ANKRD36C: variants seen among roughly 807,000 people sequenced by gnomAD.
The protein encoded by ANKRD36C is ankyrin repeat domain 36C, also known as ankyrin repeat domain-containing protein 36C.
ANKRD36C carries 61 observed loss-of-function variants against 276.4 expected under a neutral mutation model. The ratio of observed to expected loss-of-function variants is 0.22; its 90% CI spans 0.18 to 0.27. ANKRD36C has a LOEUF of 0.27. ANKRD36C is among the 10% of genes least tolerant of loss of function. The probability of loss-of-function intolerance (pLI) is 1.00; values close to 1 mark genes in which losing one functional copy is unlikely to be tolerated. For missense variants in ANKRD36C, 1,447 were observed against 2,032.3 expected (o/e 0.71, Z 5.54); for synonymous variants, 483 against 680.1 (o/e 0.71, Z 4.51).
chr2:95,907,800 A>T (rs573057661), intron 42 of ANKRD36C, among the ~76,000 whole-genome samples: 1 of 149,950 alleles, frequency 6.7e-6, no homozygotes, highest in Non-Finnish European at 1.5e-5. Flanking sequence ...TTTTATAACT[A>T]AAATCAACAA....
At chr2:95,863,587 G>A (rs1258108418) in intron 60 of ANKRD36C, among the ~76,000 whole-genome samples, 5 of 152,028 alleles carry the variant, frequency 3.3e-5, no homozygotes, top group South Asian at 2.1e-4. Context: ...GTGATGCAAC[G>A]AAGACATCCT....
chr2:95,889,672 A>G, intron 48 of ANKRD36C, 127 bp downstream of exon 68: 1 of 1,333,084 alleles, frequency 7.5e-7, no homozygotes, highest in Non-Finnish European at 1.0e-6. Flanking sequence ...CTTATTACAA[A>G]TGAATAATCT....
chr2:95,869,476 A>C (rs1054166288), intron 59 of ANKRD36C, among the ~76,000 whole-genome samples: 3 of 152,214 alleles, frequency 2.0e-5, no homozygotes, highest in Non-Finnish European at 4.4e-5. Flanking sequence ...ACTTTAAATT[A>C]TTAGGAGCCA....
intron 5 of ANKRD36C, among the ~76,000 whole-genome samples, chr2:95,979,312 A>G (rs922335058): frequency 5.9e-5 from 9 of 151,920 alleles, no homozygotes; most frequent in African/African-American, 2.2e-4. Context: ...CACCATGCTA[A>G]TTTTCTCCAT....
chr2:95,885,646 C>T (rs1030175013), intron 52 of ANKRD36C, among the ~76,000 whole-genome samples: 1 of 151,902 alleles, frequency 6.6e-6, no homozygotes, highest in African/African-American at 2.4e-5. Context: ...TCATTCTACG[C>T]TGTTTTTGAG....
At chr2:95,991,442 A>T in intron 1 of ANKRD36C, 70 bp downstream of exon 1, 2 of 1,356,630 alleles carry the variant, frequency 1.5e-6, no homozygotes, top group Non-Finnish European at 1.9e-6. Flanking sequence ...CGCAGCCCTC[A>T]GCCTGGAAAG....
intron 46 of ANKRD36C, among the ~76,000 whole-genome samples, chr2:95,890,751 T>C (rs529986171): frequency 6.6e-6 from 1 of 151,538 alleles, no homozygotes; most frequent in African/African-American, 2.4e-5. Context: ...TATTAATCAG[T>C]TTTTCATTCA....
At chr2:95,908,306 T>A (rs978762641) in intron 42 of ANKRD36C, among the ~76,000 whole-genome samples, 196 bp downstream of exon 48, 1 of 150,764 alleles carries the variant, frequency 6.6e-6, no homozygotes, top group Non-Finnish European at 1.5e-5. Context: ...TATGGGGAAG[T>A]GTATAATCTT....
At position 95,856,586 on chromosome 2, in the gene ANKRD36C, C is replaced by G. The variant is rs531570540; in HGVS notation, c.4081-406G>C. 9.9e-5 allele frequency among the ~76,000 whole-genome samples: 15 copies of G among 152,234 alleles called. No homozygotes were observed. In the East Asian group the frequency reaches 1.9e-3, roughly 20 times the overall value. The stretch of plus-strand genomic sequence containing the variant: ...AGCCTTAGCTTGGCAGATATTTGGA[C>G]AGATGAATGACATTTTCCAAATTCT... On this transcript the variant is annotated intron_variant, in intron 62 of 66. Transcript: ENST00000456556.
At position 95,986,321 on chromosome 2, in the gene ANKRD36C, TG is replaced by T. The variant is rs936540963; in HGVS notation, c.486+429del. 3.0e-4 allele frequency among the ~76,000 whole-genome samples: 45 copies of T among 152,228 alleles called. 2 individuals carry two copies. Among genetic ancestry groups the T allele is most frequent in the African/African-American group, 1.0e-3 (43 of 41,468 alleles). On this transcript the variant is annotated intron_variant, in intron 3 of 66. Coordinates refer to ENST00000456556, the Ensembl canonical transcript of ANKRD36C. ...TGAAATCACCTTCACATACAATACT[TG>T]TCAACAGCAACAAGATGTACATTTA...
At chr2:95,891,726 G>T (rs546181873) in exon 46 of ANKRD36C, 1 of 1,581,490 alleles carries the variant, frequency 6.3e-7, no homozygotes, top group South Asian at 1.1e-5. Flanking sequence ...AATCTTTCTC[G>T]TCACTTGTAG....
At chr2:95,910,432 T>C (rs909025650) in intron 42 of ANKRD36C, 6 of 1,563,450 alleles carry the variant, frequency 3.8e-6, no homozygotes, top group African/African-American at 2.7e-5. Flanking sequence ...AGAATCTTCC[T>C]CGTCACTTGT....
intron 42 of ANKRD36C, among the ~76,000 whole-genome samples, chr2:95,909,005 A>C (rs1280133558): frequency 6.6e-6 from 1 of 151,178 alleles, no homozygotes; most frequent in Admixed American, 6.6e-5. Context: ...ATCTAAAATC[A>C]GAGGAGCAAC....
chr2:95,961,572 T>A (rs1262090579), intron 8 of ANKRD36C, among the ~76,000 whole-genome samples: 1 of 152,110 alleles, frequency 6.6e-6, no homozygotes, highest in East Asian at 1.9e-4. Context: ...TTCATTAAAT[T>A]GCTATTTTAT....
chr2:95,903,012 A>T (rs1676703002), intron 42 of ANKRD36C, 41 bp downstream of exon 53: 1 of 1,571,644 alleles, frequency 6.4e-7, no homozygotes, highest in Non-Finnish European at 8.6e-7. Flanking sequence ...TTCATAGACT[A>T]TACATTTACT....
At chr2:95,988,922 C>A (rs1246809078) in intron 1 of ANKRD36C, among the ~76,000 whole-genome samples, 1 of 152,068 alleles carries the variant, frequency 6.6e-6, no homozygotes, top group Non-Finnish European at 1.5e-5. Flanking sequence ...AATCCCAGAA[C>A]TTTGGGAGGC....
At chr2:95,915,191 T>C (rs1177220758) in intron 38 of ANKRD36C, among the ~76,000 whole-genome samples, 1 of 151,548 alleles carries the variant, frequency 6.6e-6, no homozygotes, top group Non-Finnish European at 1.5e-5. Context: ...TCTAAAGAAG[T>C]TTCATTAAAC....
chr2:95,886,087 T>C (rs754718758), exon 52 of ANKRD36C: 5 of 1,611,204 alleles, frequency 3.1e-6, no homozygotes, highest in Non-Finnish European at 1.7e-6. Context: ...TCTGTGGCTA[T>C]ATTCGAAACA....
At chr2:95,908,846 A>G (rs1304780744) in intron 42 of ANKRD36C, 149 bp from the exon 47 acceptor site, 7 of 1,448,248 alleles carry the variant, frequency 4.8e-6, no homozygotes, top group Admixed American at 2.0e-5. Flanking sequence ...GGACTAGAAC[A>G]TGACAGAAAT....
Sources: allele counts gnomAD v4.1 joint callset (sites outside exome capture counted in the v4.1 genomes callset), GRCh38; gene constraint gnomAD v4.1.1; transcripts MANE v1.5; gene names NCBI Gene and HGNC (gene_info 2026-07-23, HGNC 2026-07-21).